The following ERC2 variants were observed in gnomAD, a reference collection of about 807,000 sequenced individuals.
ERC2 encodes the protein ELKS/RAB6-interacting/CAST family member 2.
A neutral mutation model predicts 114.8 loss-of-function variants in ERC2; 42 were observed. That is an observed-to-expected ratio of 0.37 (90% CI 0.29 to 0.47). The LOEUF (loss-of-function observed/expected upper bound fraction) is 0.47, where lower values mean the gene tolerates loss of function less well. Ranked by LOEUF, ERC2 falls within the 20% of genes least tolerant of loss-of-function variation. The probability of loss-of-function intolerance (pLI) is 0.99; values close to 1 mark genes in which losing one functional copy is unlikely to be tolerated. For missense variants in ERC2, 939 were observed against 1,150.7 expected (o/e 0.82, Z 2.66); for synonymous variants, 454 against 425.5 (o/e 1.07, Z -0.82).
intron 3 of ERC2, among the ~76,000 whole-genome samples, chr3:56,276,496 T>C (rs1438731163): frequency 7.7e-6 from 1 of 129,522 alleles, no homozygotes; most frequent in Admixed American, 7.7e-5. Flanking sequence ...GTCATTCATC[T>C]GGCTCTTTAA....
At chr3:56,042,307 G>GT (rs1312142830) in intron 7 of ERC2, among the ~76,000 whole-genome samples, 1 of 152,226 alleles carries the variant, frequency 6.6e-6, no homozygotes, top group Non-Finnish European at 1.5e-5. Context: ...CCAACTCACT[G>GT]TGTTGGTAAA....
At chr3:55,947,920 T>G (rs2067234697) in intron 13 of ERC2, among the ~76,000 whole-genome samples, 1 of 152,194 alleles carries the variant, frequency 6.6e-6, no homozygotes, top group Admixed American at 6.5e-5. Context: ...GTTAAAAGCC[T>G]AGACCCTGAA....
At chr3:56,337,841 CA>C (rs2057920314) in intron 2 of ERC2, among the ~76,000 whole-genome samples, 2 of 152,146 alleles carry the variant, frequency 1.3e-5, no homozygotes. Flanking sequence ...AAACTGGAGA[CA>C]ACCCAAATAT....
intron 7 of ERC2, among the ~76,000 whole-genome samples, chr3:56,076,070 G>A (rs2076954595): frequency 6.6e-6 from 1 of 151,972 alleles, no homozygotes; most frequent in Non-Finnish European, 1.5e-5. Context: ...CCACTCCCAG[G>A]AGCCAACTCC....
intron 7 of ERC2, among the ~76,000 whole-genome samples, chr3:56,055,055 C>A (rs538335594): frequency 6.6e-6 from 1 of 152,144 alleles, no homozygotes; most frequent in African/African-American, 2.4e-5. Context: ...TTACCTCAGG[C>A]GAGACACAGG....
chr3:55,899,201 C>A (rs897133593), intron 13 of ERC2, among the ~76,000 whole-genome samples: 4 of 152,064 alleles, frequency 2.6e-5, no homozygotes, highest in Non-Finnish European at 4.4e-5. Flanking sequence ...CTTTTTTGGT[C>A]ACGGGAAACA....
chr3:55,980,954 T>C (rs1383264894), intron 12 of ERC2, among the ~76,000 whole-genome samples: 1 of 152,186 alleles, frequency 6.6e-6, no homozygotes, highest in Non-Finnish European at 1.5e-5. Context: ...CTAGAGGGTA[T>C]AGAGTGCCAG....
intron 12 of ERC2, among the ~76,000 whole-genome samples, chr3:55,963,873 A>G (rs2068563040): frequency 6.6e-6 from 1 of 152,212 alleles, no homozygotes; most frequent in South Asian, 2.1e-4. Flanking sequence ...TGCCCAGACA[A>G]TATACAGCCA....
chr3:56,412,101 T>C (rs1275811612), intron 2 of ERC2, among the ~76,000 whole-genome samples: 3 of 152,178 alleles, frequency 2.0e-5, no homozygotes, highest in Non-Finnish European at 4.4e-5. Flanking sequence ...GGTGTCCTTA[T>C]AGGAGAAAGG....
intron 14 of ERC2, among the ~76,000 whole-genome samples, chr3:55,790,903 G>A (rs992461938): frequency 3.3e-5 from 5 of 152,168 alleles, no homozygotes; most frequent in African/African-American, 9.7e-5. Flanking sequence ...AAAGAGCTTC[G>A]GCTCTGGAGT....
At chr3:56,394,889 G>C (rs565027193) in intron 2 of ERC2, among the ~76,000 whole-genome samples, 22 of 152,108 alleles carry the variant, frequency 1.4e-4, no homozygotes, top group African/African-American at 5.3e-4. Flanking sequence ...ATTCATATTA[G>C]CCAAAAAGTG....
chr3:55,583,387 T>C (rs7647339), intron 17 of ERC2, among the ~76,000 whole-genome samples: 29,713 of 126,272 alleles, frequency 0.24, 3,715 homozygotes, highest in Middle Eastern at 0.3. Flanking sequence ...TCCTTCTTTC[T>C]TTCCTTCCTT....
intron 3 of ERC2, among the ~76,000 whole-genome samples, chr3:56,224,152 CAG>C (rs748802294): frequency 2.0e-5 from 3 of 152,186 alleles, no homozygotes; most frequent in Non-Finnish European, 4.4e-5. Flanking sequence ...GTGGAAAAGT[CAG>C]CCCTCTCATG....
intron 7 of ERC2, among the ~76,000 whole-genome samples, chr3:56,077,396 A>T (rs1246766921): frequency 6.6e-6 from 1 of 152,348 alleles, no homozygotes; most frequent in Non-Finnish European, 1.5e-5. Context: ...TATCTACATG[A>T]CTTCAACAAG....
At chr3:56,242,258 G>A (rs566465674) in intron 3 of ERC2, among the ~76,000 whole-genome samples, 291 of 152,210 alleles carry the variant, frequency 1.9e-3, no homozygotes, top group Non-Finnish European at 3.3e-3. Flanking sequence ...TAAGTGGGAG[G>A]TAAGCTATGA....
chr3:55,589,090 G>A (rs1159368795), intron 17 of ERC2, among the ~76,000 whole-genome samples: 2 of 151,872 alleles, frequency 1.3e-5, no homozygotes, highest in Admixed American at 6.6e-5. Flanking sequence ...GGCTATAGAG[G>A]AGGTAAGGCT....
intron 17 of ERC2, among the ~76,000 whole-genome samples, chr3:55,601,283 T>G (rs2058391189): frequency 6.6e-6 from 1 of 152,206 alleles, no homozygotes. Context: ...TAGGCAGAAC[T>G]GGCTTATAAG....
intron 13 of ERC2, among the ~76,000 whole-genome samples, chr3:55,936,860 C>T (rs2066475440): frequency 6.6e-6 from 1 of 152,220 alleles, no homozygotes; most frequent in Admixed American, 6.5e-5. Context: ...ATCATCACGG[C>T]ATCAACCTGC....
intron 13 of ERC2, among the ~76,000 whole-genome samples, chr3:55,944,559 A>G (rs997141260): frequency 1.3e-5 from 2 of 152,226 alleles, no homozygotes; most frequent in South Asian, 2.1e-4. Context: ...AACTCCACAT[A>G]TAACAGTTTT....
Sources: gnomAD v4.1 joint callset for allele counts (sites outside exome capture counted in the v4.1 genomes callset) on GRCh38, gnomAD v4.1.1 for gene constraint, MANE v1.5 for transcripts, NCBI Gene and HGNC (gene_info 2026-07-23, HGNC 2026-07-21) for gene names.